PPFIA2: variants seen among roughly 807,000 people sequenced by gnomAD.
The protein encoded by PPFIA2 is PPFI scaffold protein A2.
In PPFIA2, 46 loss-of-function variants were observed where a neutral mutation model predicts 175.5. The observed-to-expected ratio is 0.26, with a 90% CI of 0.21 to 0.34. The LOEUF (loss-of-function observed/expected upper bound fraction) is 0.34. PPFIA2 is among the 10% of genes least tolerant of loss of function. PPFIA2 has a pLI of 1.00. For missense variants in PPFIA2, 1,179 were observed against 1,506.1 expected, an observed-to-expected ratio of 0.78 and a Z score of 3.60; for synonymous variants, 568 against 511.4, an observed-to-expected ratio of 1.11 and a Z score of -1.49.
chr12:81,401,147 G>A (rs538243066), intron 8 of PPFIA2, among the ~76,000 whole-genome samples: 1 of 152,042 alleles, frequency 6.6e-6, no homozygotes, highest in African/African-American at 2.4e-5. Context: ...TTTATTGCCT[G>A]TACCCTCAAC....
intron 3 of PPFIA2, among the ~76,000 whole-genome samples, chr12:81,679,250 A>G (rs900078454): frequency 3.3e-5 from 5 of 151,852 alleles, no homozygotes; most frequent in African/African-American, 1.2e-4. Context: ...TTCATGTAAA[A>G]TGTTATTTCC....
chr12:81,469,228 T>A (rs1336453211), intron 4 of PPFIA2, among the ~76,000 whole-genome samples: 1 of 152,206 alleles, frequency 6.6e-6, no homozygotes, highest in Non-Finnish European at 1.5e-5. Context: ...TGACAATGCA[T>A]TTCTCTCTGC....
At chr12:81,327,877 A>T (rs1246820770) in intron 21 of PPFIA2, among the ~76,000 whole-genome samples, 1 of 152,216 alleles carries the variant, frequency 6.6e-6, no homozygotes, top group East Asian at 1.9e-4. Context: ...ACTTAGAAAT[A>T]CTCGGAGTAT....
At chr12:81,319,140 C>T (rs1470697416) in intron 22 of PPFIA2, among the ~76,000 whole-genome samples, 1 of 151,746 alleles carries the variant, frequency 6.6e-6, no homozygotes, top group African/African-American at 2.4e-5. Context: ...CAGCACAGGG[C>T]TTCTGTTCTA....
intron 7 of PPFIA2, among the ~76,000 whole-genome samples, chr12:81,429,007 C>T (rs1417417659): frequency 6.6e-6 from 1 of 151,924 alleles, no homozygotes; most frequent in Non-Finnish European, 1.5e-5. Context: ...GTTAATAAAA[C>T]AAACAAACAA....
intron 4 of PPFIA2, among the ~76,000 whole-genome samples, chr12:81,464,792 C>A (rs1459623976): frequency 1.3e-5 from 2 of 151,798 alleles, no homozygotes; most frequent in Non-Finnish European, 2.9e-5. Flanking sequence ...ATCGGGCTAC[C>A]CATTCTCAGA....
Position 81,338,795 on chromosome 12 carries a change from T to A in PPFIA2, c.2548+385A>T, listed in dbSNP as rs1262268928. Among the ~76,000 whole-genome samples, 4 of 152,144 alleles carry A rather than the reference T, an allele frequency of 2.6e-5. No individual in the cohort carries two copies. The East Asian group carries it at 7.7e-4, about 29-fold the overall frequency. Reference sequence around the variant, plus strand: ...GTATACTCAATGGTTTTAAGCTGATTTTGAAACATTGGCACCACGATGAAT... The same window carrying A: ...GTATACTCAATGGTTTTAAGCTGATATTGAAACATTGGCACCACGATGAAT... On this transcript the variant is annotated intron_variant, in intron 21 of 32. Coordinates refer to ENST00000549396, the MANE Select transcript of PPFIA2 (RefSeq NM_003625.5).
In PPFIA2 at chr12:81,696,534, T is replaced by A. The variant is rs182892123; in HGVS notation, c.250-19690A>T. ...TTTACACACTTATGAAGGAACCTAG[T>A]CTTGCTTATGAAGCAAAGACATAAG... is the stretch of plus-strand genomic sequence containing the variant. On this transcript the variant is annotated intron_variant, in intron 3 of 32. Transcript: ENST00000549396. Among the ~76,000 whole-genome samples the A allele has an allele frequency of 2.0e-5, 3 of 152,302 alleles. No homozygotes were observed. In the East Asian group the frequency reaches 5.8e-4, roughly 29 times the overall value.
chr12:81,397,635 A>T (rs1251217648), intron 8 of PPFIA2, among the ~76,000 whole-genome samples: 2 of 151,938 alleles, frequency 1.3e-5, no homozygotes, highest in Non-Finnish European at 2.9e-5. Flanking sequence ...GCCAAAAGAT[A>T]ATTTTTTTTA....
intron 21 of PPFIA2, among the ~76,000 whole-genome samples, chr12:81,330,322 C>G (rs77985956): frequency 6.6e-6 from 1 of 152,066 alleles, no homozygotes; most frequent in East Asian, 1.9e-4. Flanking sequence ...ACTGGTGGCA[C>G]GCTTGTTATT....
intron 4 of PPFIA2, among the ~76,000 whole-genome samples, chr12:81,492,326 A>G (rs1298563627): frequency 1.3e-5 from 2 of 152,016 alleles, no homozygotes; most frequent in African/African-American, 4.8e-5. Context: ...AGAAAATGGG[A>G]TTATAGTAGC....
chr12:81,302,456 G>A (rs1360145730), intron 22 of PPFIA2, among the ~76,000 whole-genome samples: 1 of 152,058 alleles, frequency 6.6e-6, no homozygotes, highest in Non-Finnish European at 1.5e-5. Context: ...TTATTTTCTT[G>A]GTTTTTGTTT....
rs376627014 is a variant in PPFIA2 at position 81,598,639 on chromosome 12, C to CT, written c.303+78151dup. Among the ~76,000 whole-genome samples the CT allele has an allele frequency of 2.9e-3, 422 of 145,578 alleles. 2 individuals are homozygous for CT. The highest frequency in any genetic ancestry group is 8.0e-3 in the East Asian group (40 of 4,984). ...AGATGTGATTTTTTTTTTACAAAGC[C>CT]TTTTTTTTTTTAAAGGGAGTTCTTT... is the stretch of plus-strand genomic sequence containing the variant. On this transcript the variant is annotated intron_variant, in intron 4 of 32. Coordinates refer to ENST00000549396, the MANE Select transcript of PPFIA2 (RefSeq NM_003625.5).
At chr12:81,433,333 C>T (rs562190198) in intron 7 of PPFIA2, among the ~76,000 whole-genome samples, 2 of 152,130 alleles carry the variant, frequency 1.3e-5, no homozygotes, top group African/African-American at 2.4e-5. Flanking sequence ...AAGTCTTCTC[C>T]GATCCTTTGG....
chr12:81,380,865 T>C (rs935237165), intron 9 of PPFIA2, among the ~76,000 whole-genome samples: 5 of 152,098 alleles, frequency 3.3e-5, no homozygotes, highest in Non-Finnish European at 2.9e-5. Flanking sequence ...GTAATAGTTT[T>C]CACATGTGAC....
At chr12:81,344,774 G>T in intron 18 of PPFIA2, 81 bp from the exon 19 acceptor site, 1 of 1,013,276 alleles carries the variant, frequency 9.9e-7, no homozygotes. Flanking sequence ...ATTTTAAATA[G>T]TGTCTACAAC....
At chr12:81,658,848 A>G (rs1431738582) in intron 4 of PPFIA2, among the ~76,000 whole-genome samples, 1 of 152,174 alleles carries the variant, frequency 6.6e-6, no homozygotes, top group African/African-American at 2.4e-5. Context: ...TGCAATTTCT[A>G]TGGTTAAAAT....
At chr12:81,368,055 C>A in intron 13 of PPFIA2, 1 of 1,189,644 alleles carries the variant, frequency 8.4e-7, no homozygotes, top group Non-Finnish European at 1.1e-6. Flanking sequence ...GATTGGCATT[C>A]AATCTAGATT....
intron 4 of PPFIA2, among the ~76,000 whole-genome samples, chr12:81,568,311 C>G (rs117913919): frequency 1.3e-5 from 2 of 152,190 alleles, no homozygotes; most frequent in African/African-American, 4.8e-5. Context: ...CTATCTTTTG[C>G]CTCTTCTGTC....
Sources: allele counts gnomAD v4.1 joint callset (sites outside exome capture counted in the v4.1 genomes callset), GRCh38; gene constraint gnomAD v4.1.1; transcripts MANE v1.5; gene names NCBI Gene and HGNC (gene_info 2026-07-23, HGNC 2026-07-21).